The following SLC22A8 variants were observed in gnomAD, a reference collection of about 807,000 sequenced individuals.
The protein encoded by SLC22A8 is organic anion transporter 3.
SLC22A8 carries 40 observed loss-of-function variants against 48.4 expected under a neutral mutation model. The ratio of observed to expected loss-of-function variants is 0.83; its 90% CI spans 0.64 to 1.08. The LOEUF is 1.08. SLC22A8 is among the 50% of genes least tolerant of loss of function. The pLI is 0.00. For missense variants in SLC22A8, 606 were observed against 699.0 expected (o/e 0.87, Z 1.50); for synonymous variants, 268 against 286.3 (o/e 0.94, Z 0.65).
chr11:63,006,595 G>GTCTTTTTT (rs2086557284), intron 2 of SLC22A8, among the ~76,000 whole-genome samples: 1 of 51,402 alleles, frequency 1.9e-5, no homozygotes, highest in Non-Finnish European at 3.5e-5. Context: ...TCTCATTTGA[G>GTCTTTTTT]TTTTTTTTTT....
chr11:63,002,031 C>G (rs1471195263), intron 2 of SLC22A8, among the ~76,000 whole-genome samples: 1 of 152,040 alleles, frequency 6.6e-6, no homozygotes, highest in African/African-American at 2.4e-5. Context: ...TAAAGCCATC[C>G]TCCTAAGTAA....
At position 63,011,455 on chromosome 11, in the gene SLC22A8, G is replaced by A. The variant is rs77318972; in HGVS notation, c.333+3171C>T. Among the ~76,000 whole-genome samples, 746 of 152,200 alleles carry A rather than the reference G, an allele frequency of 4.9e-3. 18 individuals carry two copies. The highest frequency in any genetic ancestry group is 0.034 in the East Asian group (177 of 5,180). On this transcript the variant is annotated intron_variant, in intron 2 of 10. Coordinates refer to ENST00000336232, the MANE Select transcript of SLC22A8 (RefSeq NM_004254.4). ...TTCTGTGTTTTTGGAGGACATGGGC[G>A]GTGGGTTTTACTCCTCTTTGTCTTC... is the stretch of plus-strand genomic sequence containing the variant.
chr11:63,008,524 A>G (rs1172449215), intron 2 of SLC22A8, among the ~76,000 whole-genome samples: 1 of 152,094 alleles, frequency 6.6e-6, no homozygotes, highest in Non-Finnish European at 1.5e-5. Flanking sequence ...GGGGCCAATT[A>G]CTTAACCTCC....
intron 2 of SLC22A8, among the ~76,000 whole-genome samples, chr11:63,001,429 C>T (rs963108152): frequency 5.9e-5 from 9 of 152,228 alleles, no homozygotes; most frequent in African/African-American, 2.2e-4. Context: ...TCATGTCTCA[C>T]TTCTGCCCCC....
intron 1 of SLC22A8, among the ~76,000 whole-genome samples, 165 bp from the exon 2 acceptor site, chr11:63,015,148 C>T (rs950894271): frequency 1.1e-4 from 16 of 152,232 alleles, no homozygotes; most frequent in South Asian, 4.1e-4. Context: ...CATGTGGAGC[C>T]GCAGATTCTT....
chr11:62,996,799 T>A (rs1269526202), intron 5 of SLC22A8, among the ~76,000 whole-genome samples: 1 of 152,224 alleles, frequency 6.6e-6, no homozygotes, highest in African/African-American at 2.4e-5. Context: ...TCTGAGCAGT[T>A]CCTGAGGGTC....
intron 2 of SLC22A8, among the ~76,000 whole-genome samples, chr11:63,010,910 C>A (rs2086612059): frequency 6.6e-6 from 1 of 152,190 alleles, no homozygotes; most frequent in South Asian, 2.1e-4. Context: ...CACTTCCCAG[C>A]AGTGAGCGGT....
chr11:62,993,474 A>C lies in SLC22A8; in HGVS notation c.1479T>G (p.Pro493=). 1 of 1,614,196 alleles carries C rather than the reference A, an allele frequency of 6.2e-7. No individual in the cohort carries two copies. The highest frequency in any genetic ancestry group is 8.5e-7 in the Non-Finnish European group (1 of 1,180,024). ...CTGGCAAGGGCTGATTCAGGGTCTC[A>C]GGCAGGAAGAGGGCAGCACTGCCCC... ...LLGGSAALFL[P]ETLNQPLPET... The change falls in exon 10 of 11, where the codon CCT becomes CCG. Residue 493 remains proline, a synonymous_variant. Transcript: ENST00000336232.
chr11:63,007,561 A>T (rs2086569993), intron 2 of SLC22A8, among the ~76,000 whole-genome samples: 1 of 152,100 alleles, frequency 6.6e-6, no homozygotes. Flanking sequence ...TCCTGACCTC[A>T]GGTGATCCAC....
At chr11:63,001,783 T>C (rs1042645269) in intron 2 of SLC22A8, among the ~76,000 whole-genome samples, 1 of 151,874 alleles carries the variant, frequency 6.6e-6, no homozygotes, top group Admixed American at 6.6e-5. Flanking sequence ...CACAGAGGAG[T>C]AGATTCAGTG....
Position 62,995,553 on chromosome 11 carries a change from C to T in SLC22A8, c.1001+151G>A, listed in dbSNP as rs181831863. 1.3e-5 allele frequency: 8 copies of T among 623,262 alleles called. No individual in the cohort carries two copies. The East Asian group carries it at 1.9e-4, about 15-fold the overall frequency. 38.6% of individuals were successfully genotyped at this position (623,262 alleles called of 1,614,324 possible). The stretch of plus-strand genomic sequence containing the variant: ...TGTGGGGCAGGAATGCAGCAGATTT[C>T]TGGGGTTGGGGCTGGGCTGTGGTGG... On this transcript the variant is annotated intron_variant, in intron 7 of 10. Transcript: ENST00000336232.
chr11:62,994,264 C>T (rs1161206040), intron 8 of SLC22A8: 1 of 545,926 alleles, frequency 1.8e-6, no homozygotes, highest in Non-Finnish European at 3.3e-6. Flanking sequence ...CTTATCTCTA[C>T]AGTGATGTCA....
chr11:63,001,387 G>A (rs905914707), intron 2 of SLC22A8, among the ~76,000 whole-genome samples: 1 of 152,130 alleles, frequency 6.6e-6, no homozygotes, highest in African/African-American at 2.4e-5. Context: ...ACGAGGAGCT[G>A]TACTTGCTGT....
Position 62,993,052 on chromosome 11 carries a change from T to A in SLC22A8, c.*185A>T, listed in dbSNP as rs772669221. ...GTTGCAGGGAGAACAAGGGCAGGGA[T>A]GGCTGAACCTTTGAACTGGCCAGGG... On this transcript the variant is annotated 3_prime_UTR_variant, in exon 11 of 11. Coordinates refer to ENST00000336232, the MANE Select transcript of SLC22A8 (RefSeq NM_004254.4). 66 of 593,468 alleles carry A rather than the reference T, an allele frequency of 1.1e-4. No homozygotes were observed. The highest frequency in any genetic ancestry group is 1.6e-4 in the Non-Finnish European group (53 of 333,870). 36.8% of individuals were successfully genotyped at this position (593,468 alleles called of 1,614,324 possible). A position where few individuals can be genotyped will look rare whatever the true frequency, so the allele number is the denominator to read the frequency against.
chr11:63,009,725 G>A (rs920066749), intron 2 of SLC22A8, among the ~76,000 whole-genome samples: 2 of 152,174 alleles, frequency 1.3e-5, no homozygotes, highest in African/African-American at 4.8e-5. Flanking sequence ...TCAGAAGGGG[G>A]AGGGAGACCG....
intron 7 of SLC22A8, chr11:62,995,011 C>T (rs1327027537): frequency 3.7e-6 from 2 of 539,606 alleles, no homozygotes; most frequent in Non-Finnish European, 6.7e-6. Flanking sequence ...ATAACTGACT[C>T]TAGAGAAGAT....
Position 63,014,969 on chromosome 11 carries a change from C to A in SLC22A8, c.-11G>T. 6.5e-7 allele frequency: 1 copy of A among 1,534,426 alleles called. No individual in the cohort carries two copies. Among genetic ancestry groups the A allele is most frequent in the East Asian group, 2.3e-5 (1 of 43,960 alleles). On this transcript the variant is annotated 5_prime_UTR_variant, in exon 2 of 11. Transcript: ENST00000336232. The stretch of plus-strand genomic sequence containing the variant: ...CTCCGAGAAGGTCATGGCACTGGGG[C>A]AAGACGAGCCAGAGCTGTGGGCAGG...
chr11:62,994,882 G>C, intron 7 of SLC22A8, 126 bp from the exon 8 acceptor site: 1 of 726,950 alleles, frequency 1.4e-6, no homozygotes, highest in Non-Finnish European at 2.4e-6. Flanking sequence ...GATGATAGGG[G>C]CTGCTTGAGT....
chr11:62,999,949 C>T lies in SLC22A8; in HGVS notation c.438-107G>A. 3 of 932,366 alleles carry T rather than the reference C, an allele frequency of 3.2e-6. No individual in the cohort carries two copies. The South Asian group carries it at 9.3e-5, about 29-fold the overall frequency. The allele number at this position is 932,366 out of a possible 1,614,324, so 57.8% of individuals were successfully genotyped here. ...GGGCTGAATCCGACCCCCAACCTTT[C>T]CCTGTTGGGCACATAAAGCTCCCTC... On this transcript the variant is annotated intron_variant, in intron 3 of 10. Transcript: ENST00000336232.
Sources: gnomAD v4.1 joint callset for allele counts (sites outside exome capture counted in the v4.1 genomes callset) on GRCh38, gnomAD v4.1.1 for gene constraint, MANE v1.5 for transcripts, NCBI Gene and HGNC (gene_info 2026-07-23, HGNC 2026-07-21) for gene names.